Variants in ESR1 observed in about 807,000 individuals in gnomAD.
The protein encoded by ESR1 is estrogen receptor 1, also known as estrogen receptor.
ESR1 carries 12 observed loss-of-function variants against 52.7 expected under a neutral mutation model. The observed-to-expected ratio is 0.23, with a 90% CI of 0.15 to 0.37. ESR1 has a LOEUF of 0.37. ESR1 is among the 10% of genes least tolerant of loss of function. The pLI, the probability that ESR1 is intolerant of heterozygous loss-of-function variation, is 1.00. For missense variants in ESR1, 584 were observed against 779.7 expected, an observed-to-expected ratio of 0.75 and a Z score of 2.99; for synonymous variants, 305 against 316.8, an observed-to-expected ratio of 0.96 and a Z score of 0.39.
chr6:151,723,411 G>A (rs937390425), intron 2 of ESR1, among the ~76,000 whole-genome samples: 6 of 152,214 alleles, frequency 3.9e-5, no homozygotes, highest in Non-Finnish European at 7.3e-5. Context: ...GAGGCAGAAG[G>A]GGTTAGGGGA....
chr6:152,006,486 G>A (rs1012690498), intron 4 of ESR1, among the ~76,000 whole-genome samples: 7 of 151,886 alleles, frequency 4.6e-5, no homozygotes, highest in Admixed American at 2.0e-4. Flanking sequence ...AGAATAAATC[G>A]CAAAATATGG....
intron 2 of ESR1, among the ~76,000 whole-genome samples, chr6:151,861,656 G>A (rs1788911041): frequency 6.6e-6 from 1 of 152,170 alleles, no homozygotes; most frequent in South Asian, 2.1e-4. Context: ...GAAGAGGCAT[G>A]TTATGACTTC....
At position 152,069,036 on chromosome 6, in the gene ESR1, C is replaced by G. The variant is rs192335895; in HGVS notation, c.1369+7912C>G. 5.0e-4 allele frequency among the ~76,000 whole-genome samples: 69 copies of G among 137,446 alleles called. 13 individuals are homozygous for G. In the East Asian group the frequency reaches 0.016, roughly 32 times the overall value. 90.2% of individuals were successfully genotyped at this position (137,446 alleles called of 152,430 possible). A position where few individuals can be genotyped will look rare whatever the true frequency, so the allele number is the denominator to read the frequency against. On this transcript the variant is annotated intron_variant, in intron 6 of 7. Transcript: ENST00000206249. ...TGAGAACTGATCCTTTGCTGAGTGA[C>G]GAGGACATTATTGAACCGCCAGGCT...
intron 3 of ESR1, among the ~76,000 whole-genome samples, chr6:151,933,693 T>G (rs980628781): frequency 9.2e-5 from 14 of 152,232 alleles, no homozygotes; most frequent in African/African-American, 3.4e-4. Context: ...AAAGGCTTTT[T>G]CTGCATCTAT....
chr6:151,705,330 A>G lies in ESR1; in HGVS notation c.-71+3325A>G, dbSNP rs533564294. Among the ~76,000 whole-genome samples, 381 of 152,280 alleles carry G rather than the reference A, an allele frequency of 2.5e-3. 1 individual carries two copies. The highest frequency in any genetic ancestry group is 8.6e-3 in the African/African-American group (357 of 41,568). On this transcript the variant is annotated intron_variant, in intron 2 of 2. Transcript: ENST00000404742. The stretch of plus-strand genomic sequence containing the variant: ...ACTGGAGAGGTGAAAGGATCCTTTG[A>G]CCAGTATAATAGCCATGCCATCAGT...
chr6:152,064,011 C>T (rs2047762949), intron 6 of ESR1, among the ~76,000 whole-genome samples: 1 of 152,188 alleles, frequency 6.6e-6, no homozygotes, highest in Non-Finnish European at 1.5e-5. Context: ...CATGGGAAGC[C>T]ATTTTCACAG....
chr6:151,671,068 G>C (rs535499477), intron 1 of ESR1, among the ~76,000 whole-genome samples: 1 of 152,010 alleles, frequency 6.6e-6, no homozygotes, highest in East Asian at 1.9e-4. Context: ...GCACCTGGCC[G>C]GAAGACAGAT....
chr6:151,766,458 G>A (rs1785059152), intron 2 of ESR1, among the ~76,000 whole-genome samples: 1 of 151,866 alleles, frequency 6.6e-6, no homozygotes, highest in Non-Finnish European at 1.5e-5. Flanking sequence ...TCCAACCTGG[G>A]TGATCGAGTG....
At chr6:152,045,810 A>T (rs2046186554) in intron 5 of ESR1, among the ~76,000 whole-genome samples, 1 of 152,218 alleles carries the variant, frequency 6.6e-6, no homozygotes, top group Admixed American at 6.5e-5. Context: ...AAGTTTGGTC[A>T]CTAGAAGTGG....
At chr6:152,014,607 C>T (rs2043027955) in intron 5 of ESR1, among the ~76,000 whole-genome samples, 1 of 151,992 alleles carries the variant, frequency 6.6e-6, no homozygotes, top group Non-Finnish European at 1.5e-5. Context: ...ATGGATTCTA[C>T]CTTCTCCCTC....
chr6:151,782,264 CAT>C (rs1786617167), intron 2 of ESR1, among the ~76,000 whole-genome samples: 1 of 152,028 alleles, frequency 6.6e-6, no homozygotes, highest in Non-Finnish European at 1.5e-5. Flanking sequence ...AATGTATCAT[CAT>C]GTAAAAATAT....
chr6:151,827,934 T>C (rs1323125182), intron 1 of ESR1, among the ~76,000 whole-genome samples: 1 of 152,236 alleles, frequency 6.6e-6, no homozygotes, highest in Admixed American at 6.5e-5. Context: ...TACAATGTCA[T>C]CATCTCTCCA....
chr6:151,969,099 C>G (rs929004923), intron 4 of ESR1, among the ~76,000 whole-genome samples: 2 of 152,134 alleles, frequency 1.3e-5, no homozygotes, highest in Non-Finnish European at 2.9e-5. Context: ...TTAATAAACT[C>G]TCTTCACAGT....
intron 1 of ESR1, among the ~76,000 whole-genome samples, chr6:151,833,345 A>G (rs940542033): frequency 6.6e-6 from 1 of 152,206 alleles, no homozygotes; most frequent in Non-Finnish European, 1.5e-5. Context: ...CCCTAAGATT[A>G]TAAGTAAAAT....
At chr6:151,846,839 T>G (rs547672686) in intron 2 of ESR1, among the ~76,000 whole-genome samples, 2 of 152,282 alleles carry the variant, frequency 1.3e-5, no homozygotes, top group East Asian at 3.9e-4. Flanking sequence ...CCTTAAGATG[T>G]GTTTTAGACA....
At chr6:151,662,921 A>G (rs1285117862) in intron 1 of ESR1, among the ~76,000 whole-genome samples, 1 of 152,216 alleles carries the variant, frequency 6.6e-6, no homozygotes, top group Non-Finnish European at 1.5e-5. Flanking sequence ...GTCACTGTTT[A>G]TTCTGTGTAG....
At chr6:152,113,998 T>G (rs934863893) in intron 6 of ESR1, among the ~76,000 whole-genome samples, 5 of 152,154 alleles carry the variant, frequency 3.3e-5, no homozygotes, top group African/African-American at 4.8e-5. Flanking sequence ...AAAAGGGATT[T>G]TATAAATGTC....
chr6:151,909,815 G>A (rs1402148347), intron 3 of ESR1, among the ~76,000 whole-genome samples: 1 of 152,132 alleles, frequency 6.6e-6, no homozygotes, highest in Non-Finnish European at 1.5e-5. Context: ...CTTGGGTGTG[G>A]AAGTAGAGTC....
intron 4 of ESR1, among the ~76,000 whole-genome samples, chr6:151,981,480 T>C (rs2039986095): frequency 6.6e-6 from 1 of 152,226 alleles, no homozygotes; most frequent in Non-Finnish European, 1.5e-5. Flanking sequence ...ATGGAAACTT[T>C]CGACCCAAGG....
Sources: allele counts gnomAD v4.1 joint callset (sites outside exome capture counted in the v4.1 genomes callset), GRCh38; gene constraint gnomAD v4.1.1; transcripts MANE v1.5; gene names NCBI Gene and HGNC (gene_info 2026-07-23, HGNC 2026-07-21).